Variants in ZFAT observed in about 807,000 individuals in gnomAD.
The protein encoded by ZFAT is zinc finger and AT-hook domain containing.
A neutral mutation model predicts 117.7 loss-of-function variants in ZFAT; 64 were observed. The observed-to-expected ratio is 0.54, with a 90% CI of 0.44 to 0.67. The LOEUF (loss-of-function observed/expected upper bound fraction) is 0.67. ZFAT is among the 30% of genes least tolerant of loss of function. The pLI, the probability that ZFAT is intolerant of heterozygous loss-of-function variation, is 0.00. For synonymous variants in ZFAT, 679 were observed against 615.0 expected (o/e 1.10, Z -1.54); for missense variants, 1,433 against 1,584.5 (o/e 0.90, Z 1.62).
intron 6 of ZFAT, 80 bp downstream of exon 6, chr8:134,601,397 C>T: frequency 1.3e-6 from 2 of 1,518,724 alleles, no homozygotes; most frequent in South Asian, 1.3e-5. Flanking sequence ...TGCAAACAGA[C>T]ATGAGCTCAA....
intron 3 of ZFAT, among the ~76,000 whole-genome samples, chr8:134,627,267 A>G (rs546961162): frequency 6.6e-6 from 1 of 152,348 alleles, no homozygotes; most frequent in Admixed American, 6.5e-5. Flanking sequence ...AACTGTCTGC[A>G]TTAGAGGTGA....
chr8:134,532,775 T>C, intron 12 of ZFAT, 59 bp downstream of exon 12: 1 of 1,586,674 alleles, frequency 6.3e-7, no homozygotes, highest in Non-Finnish European at 8.5e-7. Context: ...CTCTTCCCAA[T>C]GGGGGACTTG....
chr8:134,776,159 T>G, the ZFAT span, among the ~76,000 whole-genome samples: 1 of 152,236 alleles, frequency 6.6e-6, no homozygotes, highest in Non-Finnish European at 1.5e-5. Flanking sequence ...ATGAACACTG[T>G]GTGGTATTAT....
chr8:134,736,623 C>T, the ZFAT span, among the ~76,000 whole-genome samples: 1 of 152,144 alleles, frequency 6.6e-6, no homozygotes, highest in Non-Finnish European at 1.5e-5. Flanking sequence ...GGGTCTTGCT[C>T]TTTCACACAG....
chr8:134,696,567 C>T (rs1490601882), intron 1 of ZFAT: 1 of 986,028 alleles, frequency 1.0e-6, no homozygotes, highest in Non-Finnish European at 1.2e-6. Flanking sequence ...TCCCAGGAAG[C>T]CCTACCATCC....
intron 2 of ZFAT, chr8:134,639,879 C>A (rs923051464): frequency 4.0e-5 from 17 of 424,194 alleles, no homozygotes; most frequent in Middle Eastern, 3.6e-4. Flanking sequence ...CCCGCAGACA[C>A]AAGCCACTCC....
intron 15 of ZFAT, among the ~76,000 whole-genome samples, chr8:134,490,655 T>A (rs997143615): frequency 6.6e-6 from 1 of 152,226 alleles, no homozygotes; most frequent in African/African-American, 2.4e-5. Context: ...CAGCTCCCCA[T>A]TACTGAAGTT....
At chr8:134,705,378 T>TA in intron 1 of ZFAT, among the ~76,000 whole-genome samples, 1 of 35,822 alleles carries the variant, frequency 2.8e-5, no homozygotes, top group Non-Finnish European at 5.5e-5. Context: ...TTTTTTTTTG[T>TA]TTTTTTTTTT....
At chr8:134,584,645 G>A (rs1029473582) in intron 9 of ZFAT, among the ~76,000 whole-genome samples, 1 of 152,178 alleles carries the variant, frequency 6.6e-6, no homozygotes, top group Non-Finnish European at 1.5e-5. Flanking sequence ...CATTCACTAA[G>A]TGTCTACTGA....
intron 15 of ZFAT, among the ~76,000 whole-genome samples, chr8:134,506,837 C>T (rs6577950): frequency 0.84 from 127,341 of 152,218 alleles, 53,453 homozygotes; most frequent in East Asian, 1. Context: ...AAAAGAGATC[C>T]AAAAAGATCT....
intron 10 of ZFAT, among the ~76,000 whole-genome samples, chr8:134,574,331 C>T (rs1825148548): frequency 2.0e-5 from 3 of 152,230 alleles, no homozygotes; most frequent in East Asian, 1.9e-4. Flanking sequence ...GAAAGGCAAT[C>T]GCTCCTGGCC....
the ZFAT span, among the ~76,000 whole-genome samples, chr8:134,772,225 A>G: frequency 6.6e-6 from 1 of 152,264 alleles, no homozygotes; most frequent in East Asian, 1.9e-4. Flanking sequence ...AAAGCTATAA[A>G]TGATTAAGCT....
chr8:134,760,190 C>T, the ZFAT span, among the ~76,000 whole-genome samples: 6 of 150,948 alleles, frequency 4.0e-5, no homozygotes, highest in African/African-American at 7.3e-5. Context: ...ATGGCATGAA[C>T]CCAGGAGGCG....
chr8:134,532,743 C>G, intron 12 of ZFAT, 91 bp downstream of exon 12: 2 of 1,504,054 alleles, frequency 1.3e-6, no homozygotes, highest in Non-Finnish European at 1.8e-6. Context: ...TGTAGCAGAA[C>G]TGAACTGCAG....
chr8:134,486,608 C>G (rs1817671823), intron 15 of ZFAT, among the ~76,000 whole-genome samples: 1 of 152,190 alleles, frequency 6.6e-6, no homozygotes, highest in African/African-American at 2.4e-5. Context: ...TGTTGGCACT[C>G]CTGTTGTTCT....
At chr8:134,716,755 T>A (rs1814214682), upstream of ZFAT, among the ~76,000 whole-genome samples, 1 of 152,214 alleles carries the variant, frequency 6.6e-6, no homozygotes. Context: ...AAAGTTAACA[T>A]TGTATATGCA....
At chr8:134,637,757 A>G (rs1333653425) in intron 2 of ZFAT, 45 bp from the exon 3 acceptor site, 1 of 1,588,678 alleles carries the variant, frequency 6.3e-7, no homozygotes, top group African/African-American at 1.3e-5. Flanking sequence ...GTGAGACGGC[A>G]GTGCAGGGTT....
the ZFAT span, among the ~76,000 whole-genome samples, chr8:134,763,196 T>A: frequency 6.6e-6 from 1 of 152,210 alleles, no homozygotes; most frequent in African/African-American, 2.4e-5. Flanking sequence ...GATATAACGA[T>A]GTCAATTCTC....
chr8:134,793,453 C>T, the ZFAT span: 1 of 152,202 alleles, frequency 6.6e-6, no homozygotes, highest in African/African-American at 2.4e-5. Flanking sequence ...AGAGGTCCCC[C>T]AAATTTTGGC....
Sources: allele counts gnomAD v4.1 joint callset (sites outside exome capture counted in the v4.1 genomes callset), GRCh38; gene constraint gnomAD v4.1.1; transcripts MANE v1.5; gene names NCBI Gene and HGNC (gene_info 2026-07-23, HGNC 2026-07-21).